Variants in OXT observed in about 807,000 individuals in gnomAD.
The protein encoded by OXT is oxytocin/neurophysin I prepropeptide.
Under a neutral mutation model 11.2 loss-of-function variants are expected in OXT, and 9 were observed. That is an observed-to-expected ratio of 0.80 (90% CI 0.49 to 1.40). The LOEUF is 1.40. Ranked by LOEUF, OXT falls within the 40% of genes most tolerant of loss-of-function variation. OXT has a pLI of 0.00. For missense variants in OXT, 175 were observed against 178.7 expected (o/e 0.98, Z 0.12); for synonymous variants, 76 against 80.9 (o/e 0.94, Z 0.33).
At position 3,071,873 on chromosome 20, in the gene OXT, G is replaced by A. The variant is rs2066076911; in HGVS notation, c.120+98G>A. Reference sequence around the variant, plus strand: ...CCGGCCTCGCCTGAGAACTCCAGGAGCTGAGCGGATTTTGACGCCCCGCCC... The same window carrying A: ...CCGGCCTCGCCTGAGAACTCCAGGAACTGAGCGGATTTTGACGCCCCGCCC... On this transcript the variant is annotated intron_variant, in intron 1 of 2. Coordinates refer to ENST00000217386, the MANE Select transcript of OXT (RefSeq NM_000915.4). The surrounding 1 kb of genome is among the most constrained non-coding windows in gnomAD (Gnocchi z 4.8). 6 of 1,436,620 alleles carry A rather than the reference G, an allele frequency of 4.2e-6. No homozygotes were observed. In the South Asian group the frequency reaches 8.7e-5, roughly 21 times the overall value. The allele number at this position is 1,436,620 out of a possible 1,614,324, so 89.0% of individuals were successfully genotyped here. A position where few individuals can be genotyped will look rare whatever the true frequency, so the allele number is the denominator to read the frequency against.
Position 3,071,685 on chromosome 20 carries a change from G to A in OXT, c.30G>A (p.Leu10=), listed in dbSNP as rs1448733758. The A allele has an allele frequency of 4.3e-5, 69 of 1,597,700 alleles. No homozygotes were observed. Among genetic ancestry groups the A allele is most frequent in the Non-Finnish European group, 5.7e-5 (67 of 1,176,048 alleles). The change falls in exon 1 of 3, where the codon CTG becomes CTA. Residue 10 remains leucine (L), a synonymous_variant. Transcript: ENST00000217386. This position sits in a 1 kb window ranked among gnomAD's most constrained non-coding sequence, Gnocchi z 4.8. The part of the protein sequence containing the change: MAGPSLACC[L]LGLLALTSAC... ...CCGGCCCCAGCCTCGCTTGCTGTCT[G>A]CTCGGCCTCCTGGCGCTGACCTCCG... is the stretch of plus-strand genomic sequence containing the variant.
chr20:3,071,916 C>G lies in OXT; in HGVS notation c.120+141C>G. 1 of 1,346,722 alleles carries G rather than the reference C, an allele frequency of 7.4e-7. No individual in the cohort carries two copies. Among genetic ancestry groups the G allele is most frequent in the South Asian group, 1.6e-5 (1 of 63,400 alleles). 83.4% of individuals were successfully genotyped at this position (1,346,722 alleles called of 1,614,324 possible). A position where few individuals can be genotyped will look rare whatever the true frequency, so the allele number is the denominator to read the frequency against. ...CCCCGCCCTTGACCGCGGTCGAGGC[C>G]CCCACGGCGCCCCAGCGCGTCTCAG... On this transcript the variant is annotated intron_variant, in intron 1 of 2. Coordinates refer to ENST00000217386, the MANE Select transcript of OXT (RefSeq NM_000915.4). This position sits in a 1 kb window ranked among gnomAD's most constrained non-coding sequence, Gnocchi z 4.8.
At position 3,071,651 on chromosome 20, in the gene OXT, G is replaced by A; in HGVS notation, c.-5G>A. 6.2e-7 allele frequency: 1 copy of A among 1,602,492 alleles called. No homozygotes were observed. Among genetic ancestry groups the A allele is most frequent in the Non-Finnish European group, 8.5e-7 (1 of 1,178,462 alleles). On this transcript the variant is annotated 5_prime_UTR_variant, in exon 1 of 3. Coordinates refer to ENST00000217386, the MANE Select transcript of OXT (RefSeq NM_000915.4). The surrounding 1 kb of genome is among the most constrained non-coding windows in gnomAD (Gnocchi z 4.8). Reference sequence around the variant, plus strand: ...CACGGACCCTGGACCCAGCGCACCCGCACCATGGCCGGCCCCAGCCTCGCT... The same window carrying A: ...CACGGACCCTGGACCCAGCGCACCCACACCATGGCCGGCCCCAGCCTCGCT...
chr20:3,072,083 C>A lies in OXT; in HGVS notation c.127C>A (p.Pro43Thr). The change falls in exon 2 of 3, where the codon CCC (proline) becomes ACC (threonine). Residue 43 changes from proline to threonine, a missense_variant. Pro to Thr is a conservative substitution (Grantham distance 38). Coordinates refer to ENST00000217386, the MANE Select transcript of OXT (RefSeq NM_000915.4). ...APDLDVRKCL[P>T]CGPGGKGRCF... is the part of the protein sequence containing the mutation. ...ACCCCGCCCGTCCCCGCAGTGCCTC[C>A]CCTGCGGCCCCGGGGGCAAAGGCCG... 1 of 1,530,864 alleles carries A rather than the reference C, an allele frequency of 6.5e-7. No individual in the cohort carries two copies. The highest frequency in any genetic ancestry group is 1.4e-5 in the African/African-American group (1 of 70,596). 94.8% of individuals were successfully genotyped at this position (1,530,864 alleles called of 1,614,324 possible). A position where few individuals can be genotyped will look rare whatever the true frequency, so the allele number is the denominator to read the frequency against.
Position 3,072,478 on chromosome 20 carries a change from G to A in OXT, c.*60G>A, listed in dbSNP as rs1258376399. The A allele has an allele frequency of 6.4e-7, 1 of 1,554,582 alleles. No homozygotes were observed. The highest frequency in any genetic ancestry group is 8.9e-7 in the Non-Finnish European group (1 of 1,128,512). On this transcript the variant is annotated 3_prime_UTR_variant, in exon 3 of 3. Transcript: ENST00000217386. ...ACTCGCTTCCCCCATAGCCACCCCA[G>A]AAATGGTGAAAATAAAATAAAGCAG...
In OXT at chr20:3,072,285, G is replaced by T. The variant is rs763513226; in HGVS notation, c.322+7G>T. The stretch of plus-strand genomic sequence containing the variant: ...GGCCTCTGCTGCAGCCCGGGTGAGC[G>T]GGGCAAGGCGCTCCGGGGCCAGGGG... On this transcript the variant is annotated splice_region_variant and intron_variant, in intron 2 of 2. Transcript: ENST00000217386. 2 of 1,595,168 alleles carry T rather than the reference G, an allele frequency of 1.3e-6. No homozygotes were observed. Among genetic ancestry groups the T allele is most frequent in the Non-Finnish European group, 1.7e-6 (2 of 1,176,826 alleles).
Position 3,072,402 on chromosome 20 carries a change from C to T in OXT, c.362C>T (p.Thr121Ile), listed in dbSNP as rs775023112. 6 of 1,612,754 alleles carry T rather than the reference C, an allele frequency of 3.7e-6. No homozygotes were observed. The African/African-American group carries it at 4.0e-5, about 11-fold the overall frequency. ...HADPACDAEA[T>I]FSQR ...GACCCTGCCTGCGACGCGGAAGCCA[C>T]CTTCTCCCAGCGCTGAAACTTGATG... is the stretch of plus-strand genomic sequence containing the variant. Residue 121 changes from threonine to isoleucine, a missense_variant, in exon 3 of 3, where the codon ACC becomes ATC. Physicochemically the swap from Thr to Ile is moderately conservative, Grantham distance 89 (BLOSUM62 -1). Transcript: ENST00000217386.
chr20:3,072,071 C>T lies in OXT; in HGVS notation c.121-6C>T. 2 of 1,519,964 alleles carry T rather than the reference C, an allele frequency of 1.3e-6. No homozygotes were observed. Among genetic ancestry groups the T allele is most frequent in the African/African-American group, 1.4e-5 (1 of 69,912 alleles). 94.2% of individuals were successfully genotyped at this position (1,519,964 alleles called of 1,614,324 possible). ...CGGCTCCCGCTCACCCCGCCCGTCC[C>T]CGCAGTGCCTCCCCTGCGGCCCCGG... On this transcript the variant is annotated splice_region_variant and splice_polypyrimidine_tract_variant and intron_variant, in intron 1 of 2. Transcript: ENST00000217386.
At position 3,071,972 on chromosome 20, in the gene OXT, G is replaced by A. The variant is rs925574135; in HGVS notation, c.121-105G>A. The A allele has an allele frequency of 4.0e-5, 54 of 1,361,256 alleles. 1 individual carries two copies. The Admixed American group carries it at 1.7e-3, about 42-fold the overall frequency. 84.3% of individuals were successfully genotyped at this position (1,361,256 alleles called of 1,614,324 possible). A position where few individuals can be genotyped will look rare whatever the true frequency, so the allele number is the denominator to read the frequency against. ...CTGTCCCGCCCGAACTCCGAACCCC[G>A]GACCCCAGCATCCTTGCCCGGCGCA... On this transcript the variant is annotated intron_variant, in intron 1 of 2. Transcript: ENST00000217386. This position sits in a 1 kb window ranked among gnomAD's most constrained non-coding sequence, Gnocchi z 4.8.
rs1486130467 is a variant in OXT at position 3,072,207 on chromosome 20, C to G, written c.251C>G (p.Pro84Arg). Residue 84 changes from proline (P) to arginine (R), a missense_variant, in exon 2 of 3, where the codon CCC (proline) becomes CGC (arginine). Transcript: ENST00000217386. ...RCQEENYLPS[P>R]CQSGQKACGS... ...CAGGAGGAGAACTACCTGCCGTCGC[C>G]CTGCCAGTCCGGCCAGAAGGCGTGC... 1.9e-6 allele frequency: 3 copies of G among 1,596,968 alleles called. No individual in the cohort carries two copies. The highest frequency in any genetic ancestry group is 2.5e-6 in the Non-Finnish European group (3 of 1,177,950).
At position 3,072,043 on chromosome 20, in the gene OXT, C is replaced by T. The variant is rs1037027148; in HGVS notation, c.121-34C>T. 7.4e-6 allele frequency: 11 copies of T among 1,487,394 alleles called. No homozygotes were observed. In the East Asian group the frequency reaches 3.0e-4, roughly 41 times the overall value. The allele number at this position is 1,487,394 out of a possible 1,614,324, so 92.1% of individuals were successfully genotyped here. On this transcript the variant is annotated intron_variant, in intron 1 of 2. Transcript: ENST00000217386. The stretch of plus-strand genomic sequence containing the variant: ...TCCTCCGAGCGAGTCCCCAGCGCCG[C>T]CCCGGCTCCCGCTCACCCCGCCCGT...
chr20:3,071,820 AC>A lies in OXT; in HGVS notation c.120+48del, dbSNP rs528977569. 5.2e-3 allele frequency: 7,880 copies of A among 1,529,030 alleles called. 41 individuals carry two copies. Among genetic ancestry groups the A allele is most frequent in the Non-Finnish European group, 5.3e-3 (6,037 of 1,144,480 alleles). 94.7% of individuals were successfully genotyped at this position (1,529,030 alleles called of 1,614,324 possible). Reference sequence around the variant, plus strand: ...CCCGCGGCGCTCCGGGGAGGGAGGGACCCGCAGCCACAGGGGCGCGCCCCGC... The same window carrying A: ...CCCGCGGCGCTCCGGGGAGGGAGGGACCGCAGCCACAGGGGCGCGCCCCGC... On this transcript the variant is annotated intron_variant, in intron 1 of 2. Coordinates refer to ENST00000217386, the MANE Select transcript of OXT (RefSeq NM_000915.4). The surrounding 1 kb of genome is among the most constrained non-coding windows in gnomAD (Gnocchi z 4.8).
Position 3,072,241 on chromosome 20 carries a change from G to A in OXT, c.285G>A (p.Gly95=), listed in dbSNP as rs565618091. The A allele has an allele frequency of 6.3e-6, 10 of 1,594,736 alleles. No homozygotes were observed. The highest frequency in any genetic ancestry group is 1.3e-5 in the African/African-American group (1 of 74,462). The change falls in exon 2 of 3, where the codon GGG becomes GGA. Residue 95 remains glycine (G), a synonymous_variant. Transcript: ENST00000217386. The stretch of plus-strand genomic sequence containing the variant: ...CCGGCCAGAAGGCGTGCGGGAGCGG[G>A]GGCCGCTGCGCGGTCTTGGGCCTCT... ...CQSGQKACGS[G]GRCAVLGLCC...
chr20:3,072,201 C>T lies in OXT; in HGVS notation c.245C>T (p.Pro82Leu). Residue 82 changes from proline to leucine, a missense_variant, in exon 2 of 3, where the codon CCG (proline) becomes CTG (leucine). Transcript: ENST00000217386. ...CGCTGCCAGGAGGAGAACTACCTGC[C>T]GTCGCCCTGCCAGTCCGGCCAGAAG... ...ALRCQEENYLPSPCQSGQKAC... is the reference protein window; with the variant it reads ...ALRCQEENYLLSPCQSGQKAC... 2 of 1,596,282 alleles carry T rather than the reference C, an allele frequency of 1.3e-6. No homozygotes were observed. The highest frequency in any genetic ancestry group is 2.2e-5 in the South Asian group (2 of 90,320).
At position 3,072,433 on chromosome 20, in the gene OXT, G is replaced by A. The variant is rs17339677; in HGVS notation, c.*15G>A. ...CCCAGCGCTGAAACTTGATGGCTCC[G>A]AACACCCTCGAAGCGCGCCACTCGC... On this transcript the variant is annotated 3_prime_UTR_variant, in exon 3 of 3. Coordinates refer to ENST00000217386, the MANE Select transcript of OXT (RefSeq NM_000915.4). 1 of 1,612,452 alleles carries A rather than the reference G, an allele frequency of 6.2e-7. No homozygotes were observed. Among genetic ancestry groups the A allele is most frequent in the Middle Eastern group, 1.6e-4 (1 of 6,062 alleles).
rs778259448 is a variant in OXT, at chr20:3,071,639, C to A, written c.-17C>A. The A allele has an allele frequency of 1.0e-5, 16 of 1,602,070 alleles. No homozygotes were observed. The highest frequency in any genetic ancestry group is 2.2e-5 in the South Asian group (2 of 90,266). The stretch of plus-strand genomic sequence containing the variant: ...ACCGCCACCAGTCACGGACCCTGGA[C>A]CCAGCGCACCCGCACCATGGCCGGC... On this transcript the variant is annotated 5_prime_UTR_variant, in exon 1 of 3. Transcript: ENST00000217386. This position sits in a 1 kb window ranked among gnomAD's most constrained non-coding sequence, Gnocchi z 4.8.
At position 3,071,843 on chromosome 20, in the gene OXT, C is replaced by T; in HGVS notation, c.120+68C>T. The T allele has an allele frequency of 6.7e-7, 1 of 1,503,090 alleles. No homozygotes were observed. Among genetic ancestry groups the T allele is most frequent in the Non-Finnish European group, 8.8e-7 (1 of 1,132,060 alleles). 93.1% of individuals were successfully genotyped at this position (1,503,090 alleles called of 1,614,324 possible). ...GGACCCGCAGCCACAGGGGCGCGCC[C>T]CGCTCCGGCCTCGCCTGAGAACTCC... On this transcript the variant is annotated intron_variant, in intron 1 of 2. Transcript: ENST00000217386. This position sits in a 1 kb window ranked among gnomAD's most constrained non-coding sequence, Gnocchi z 4.8.
In OXT at chr20:3,071,670, C is replaced by A. The variant is rs774028375; in HGVS notation, c.15C>A (p.Ser5Arg). 17 of 1,601,384 alleles carry A rather than the reference C, an allele frequency of 1.1e-5. No individual in the cohort carries two copies. The highest frequency in any genetic ancestry group is 3.3e-4 in the Middle Eastern group (2 of 6,082). The change falls in exon 1 of 3, where the codon AGC becomes AGA. Residue 5 changes from serine to arginine, a missense_variant. Physicochemically the swap from Ser to Arg is moderately radical, Grantham distance 110 (BLOSUM62 -1). Transcript: ENST00000217386. This position sits in a 1 kb window ranked among gnomAD's most constrained non-coding sequence, Gnocchi z 4.8. Reference protein sequence around the residue: MAGPSLACCLLGLLA... With the variant: MAGPRLACCLLGLLA... ...GCACCCGCACCATGGCCGGCCCCAG[C>A]CTCGCTTGCTGTCTGCTCGGCCTCC...
At position 3,071,850 on chromosome 20, in the gene OXT, G is replaced by C. The variant is rs1169710361; in HGVS notation, c.120+75G>C. The stretch of plus-strand genomic sequence containing the variant: ...CAGCCACAGGGGCGCGCCCCGCTCC[G>C]GCCTCGCCTGAGAACTCCAGGAGCT... On this transcript the variant is annotated intron_variant, in intron 1 of 2. Transcript: ENST00000217386. The surrounding 1 kb of genome is among the most constrained non-coding windows in gnomAD (Gnocchi z 4.8). The C allele has an allele frequency of 1.3e-5, 19 of 1,491,926 alleles. No individual in the cohort carries two copies. The highest frequency in any genetic ancestry group is 1.7e-5 in the Non-Finnish European group (19 of 1,126,832). The allele number at this position is 1,491,926 out of a possible 1,614,324, so 92.4% of individuals were successfully genotyped here. A position where few individuals can be genotyped will look rare whatever the true frequency, so the allele number is the denominator to read the frequency against.
Sources: allele counts gnomAD v4.1 joint callset, GRCh38; gene constraint gnomAD v4.1.1; non-coding constraint Gnocchi (gnomAD v3.1); transcripts MANE v1.5; gene names NCBI Gene and HGNC (gene_info 2026-07-23, HGNC 2026-07-21).